The following ATP9B variants were observed in gnomAD, a reference collection of about 807,000 sequenced individuals.
ATP9B encodes probable phospholipid-transporting ATPase IIB.
ATP9B carries 110 observed loss-of-function variants against 146.1 expected under a neutral mutation model. The ratio of observed to expected loss-of-function variants is 0.75; its 90% confidence interval spans 0.65 to 0.88. The LOEUF (loss-of-function observed/expected upper bound fraction) is 0.88, where lower values mean the gene tolerates loss of function less well. ATP9B is among the 40% of genes least tolerant of loss of function. The probability of loss-of-function intolerance (pLI) is 0.00; values close to 1 mark genes in which losing one functional copy is unlikely to be tolerated. For missense variants in ATP9B, 1,499 were observed against 1,496.4 expected, an observed-to-expected ratio of 1.00 and a Z score of -0.03; for synonymous variants, 604 against 569.7, an observed-to-expected ratio of 1.06 and a Z score of -0.86.
At chr18:79,204,330 T>A (rs965399861) in intron 9 of ATP9B, among the ~76,000 whole-genome samples, 3 of 152,176 alleles carry the variant, frequency 2.0e-5, no homozygotes, top group Non-Finnish European at 4.4e-5. Flanking sequence ...GGTAAACATA[T>A]TACCATTAGT....
chr18:79,121,654 G>A (rs2094191921), intron 4 of ATP9B, among the ~76,000 whole-genome samples: 1 of 152,180 alleles, frequency 6.6e-6, no homozygotes, highest in Non-Finnish European at 1.5e-5. Flanking sequence ...GCATTTCCTT[G>A]GATAGATACG....
intron 13 of ATP9B, among the ~76,000 whole-genome samples, chr18:79,291,818 C>G (rs2096506459): frequency 6.6e-6 from 1 of 152,198 alleles, no homozygotes; most frequent in Admixed American, 6.5e-5. Context: ...ATACATCGCT[C>G]TCTTATTCCA....
chr18:79,331,445 C>A (rs1315451643), intron 17 of ATP9B, among the ~76,000 whole-genome samples: 1 of 152,170 alleles, frequency 6.6e-6, no homozygotes, highest in Non-Finnish European at 1.5e-5. Context: ...TGTTTTGCAA[C>A]AGACAGATGA....
chr18:79,335,496 C>T (rs1001666100), intron 17 of ATP9B, among the ~76,000 whole-genome samples: 2 of 152,256 alleles, frequency 1.3e-5, no homozygotes, highest in African/African-American at 4.8e-5. Flanking sequence ...TGACTGAACA[C>T]GGTTAGCACC....
rs754652340 is a variant in ATP9B at position 79,176,818 on chromosome 18, T to G, written c.784T>G (p.Cys262Gly). 5.6e-6 allele frequency: 9 copies of G among 1,614,020 alleles called. No homozygotes were observed. Among genetic ancestry groups the G allele is most frequent in the Non-Finnish European group, 6.8e-6 (8 of 1,179,910 alleles). The change falls in exon 8 of 30, where the codon TGT becomes GGT. Residue 262 changes from cysteine (C) to glycine (G), a missense_variant. Cys to Gly is a radical substitution (Grantham distance 159). Transcript: ENST00000426216. ...TTTTATTCTCTACTTCCAAGGTTCG[T>G]GTTTTATTCGAACTGATCAACTAGA... ...FLRTSEKAGS[C>G]FIRTDQLDGE...
chr18:79,273,719 A>G (rs759036029), intron 12 of ATP9B, among the ~76,000 whole-genome samples: 47 of 152,212 alleles, frequency 3.1e-4, no homozygotes, highest in Admixed American at 5.9e-4. Flanking sequence ...CCTAAATAAG[A>G]TTGCATGGTA....
chr18:79,277,095 G>GGAT lies in ATP9B; in HGVS notation c.1319_1321dup (p.Met440dup), dbSNP rs1568556576. ...GACATGGGCAAAGCGGTGTATGGAT[G>GGAT]GATGATGATGAAAGATGAGAACATC... On this transcript the variant is annotated inframe_insertion, in exon 13 of 30. Coordinates refer to ENST00000426216, the MANE Select transcript of ATP9B (RefSeq NM_198531.5). The GGAT allele has an allele frequency of 1.9e-6, 3 of 1,614,166 alleles. No individual in the cohort carries two copies. The East Asian group carries it at 6.7e-5, about 36-fold the overall frequency.
chr18:79,109,903 C>T (rs1048141392), intron 2 of ATP9B, among the ~76,000 whole-genome samples: 1 of 152,074 alleles, frequency 6.6e-6, no homozygotes, highest in African/African-American at 2.4e-5. Context: ...GTTAATACTA[C>T]TGGAAAAGTC....
At chr18:79,299,806 A>C (rs934578404) in intron 13 of ATP9B, 3 of 152,202 alleles carry the variant, frequency 2.0e-5, no homozygotes, top group Non-Finnish European at 4.4e-5. Context: ...ATGCATTTTC[A>C]TGAGTTTTTG....
At chr18:79,373,734 C>T (rs2148026087) in intron 27 of ATP9B, among the ~76,000 whole-genome samples, 164 bp from the exon 28 acceptor site, 1 of 152,290 alleles carries the variant, frequency 6.6e-6, no homozygotes, top group Middle Eastern at 3.4e-3. Flanking sequence ...GGTGATCCAC[C>T]CGCCTCAGCC....
chr18:79,284,719 C>T (rs1157342026), intron 13 of ATP9B, among the ~76,000 whole-genome samples: 1 of 151,814 alleles, frequency 6.6e-6, no homozygotes, highest in Admixed American at 6.6e-5. Flanking sequence ...GTGCTGCACC[C>T]ATTAACTCAT....
At position 79,292,746 on chromosome 18, in the gene ATP9B, G is replaced by GTTTGT. The variant is rs546454521; in HGVS notation, c.1412-10834_1412-10830dup. On this transcript the variant is annotated intron_variant, in intron 13 of 29. Coordinates refer to ENST00000426216, the MANE Select transcript of ATP9B (RefSeq NM_198531.5). ...GTGGGTGAAAGATGTGAGGTTAGGGGTTTGTTTTGTTTTGTTTTGTTTTGT... is the reference window on the plus strand; with the variant it reads ...GTGGGTGAAAGATGTGAGGTTAGGGGTTTGTTTTGTTTTGTTTTGTTTTGTTTTGT... 1.3e-3 allele frequency among the ~76,000 whole-genome samples: 196 copies of GTTTGT among 152,010 alleles called. 2 individuals are homozygous for GTTTGT. Among genetic ancestry groups the GTTTGT allele is most frequent in the Middle Eastern group, 3.4e-3 (1 of 294 alleles).
intron 13 of ATP9B, among the ~76,000 whole-genome samples, chr18:79,303,297 G>A (rs1397938640): frequency 6.6e-6 from 1 of 152,088 alleles, no homozygotes; most frequent in South Asian, 2.1e-4. Flanking sequence ...AGGAGGTGGA[G>A]GCTGCAGTGA....
At chr18:79,339,877 A>G (rs1399843702) in intron 19 of ATP9B, among the ~76,000 whole-genome samples, 2 of 152,226 alleles carry the variant, frequency 1.3e-5, no homozygotes, top group African/African-American at 4.8e-5. Flanking sequence ...TTCATGTAGA[A>G]ATTCAAAATT....
In ATP9B at chr18:79,100,461, T is replaced by C. The variant is rs551650858; in HGVS notation, c.293+3812T>C. 3.3e-5 allele frequency among the ~76,000 whole-genome samples: 5 copies of C among 152,324 alleles called. No homozygotes were observed. In the East Asian group the frequency reaches 5.8e-4, roughly 18 times the overall value. The stretch of plus-strand genomic sequence containing the variant: ...TTATTAACCTTTTCAGTTGACCTTT[T>C]ATTGTCTTTAATTGTTCCTCTTTTA... On this transcript the variant is annotated intron_variant, in intron 2 of 29. Transcript: ENST00000426216.
intron 1 of ATP9B, among the ~76,000 whole-genome samples, chr18:79,069,779 C>T (rs2071498377): frequency 1.3e-5 from 2 of 152,358 alleles, no homozygotes; most frequent in African/African-American, 4.8e-5. Flanking sequence ...GGAGCCAGAA[C>T]GGGAGCAGAG....
intron 16 of ATP9B, 51 bp from the exon 17 acceptor site, chr18:79,329,961 C>G (rs1398851092): frequency 6.6e-7 from 1 of 1,521,462 alleles, no homozygotes; most frequent in Admixed American, 1.7e-5. Context: ...AGTTATTTGC[C>G]CCGAGCAATG....
chr18:79,233,389 C>T (rs904170127), intron 11 of ATP9B, among the ~76,000 whole-genome samples: 1 of 152,136 alleles, frequency 6.6e-6, no homozygotes, highest in Non-Finnish European at 1.5e-5. Context: ...CTTTCCAAGA[C>T]ACTAGACCAC....
chr18:79,217,372 G>C (rs547549091), intron 11 of ATP9B, among the ~76,000 whole-genome samples: 3 of 152,108 alleles, frequency 2.0e-5, no homozygotes, highest in African/African-American at 4.8e-5. Context: ...TTTTATTAGA[G>C]ACAGGGTTTC....
Sources: allele counts gnomAD v4.1 joint callset (sites outside exome capture counted in the v4.1 genomes callset), GRCh38; gene constraint gnomAD v4.1.1; transcripts MANE v1.5; gene names NCBI Gene and HGNC (gene_info 2026-07-23, HGNC 2026-07-21).